Variants in ASXL2 observed in about 807,000 individuals in gnomAD.
ASXL2 encodes the protein ASXL transcriptional regulator 2.
Under a neutral mutation model 122.0 loss-of-function variants are expected in ASXL2, and 23 were observed. That is an observed-to-expected ratio of 0.19 (90% confidence interval 0.14 to 0.27). The LOEUF (loss-of-function observed/expected upper bound fraction) is 0.27. Ranked by LOEUF, ASXL2 falls within the 10% of genes least tolerant of loss-of-function variation. The probability of loss-of-function intolerance (pLI) is 1.00; values close to 1 mark genes in which losing one functional copy is unlikely to be tolerated. For synonymous variants in ASXL2, 650 were observed against 637.0 expected, an observed-to-expected ratio of 1.02 and a Z score of -0.31; for missense variants, 1,518 against 1,713.8, an observed-to-expected ratio of 0.89 and a Z score of 2.02.
intron 8 of ASXL2, among the ~76,000 whole-genome samples, chr2:25,763,248 T>C (rs2088284781): frequency 2.0e-5 from 3 of 152,006 alleles, no homozygotes; most frequent in African/African-American, 7.2e-5. Context: ...CTCAGCACTT[T>C]AGGAGGCTGA....
At chr2:25,837,035 TAC>T (rs2089519212) in intron 2 of ASXL2, among the ~76,000 whole-genome samples, 1 of 124,708 alleles carries the variant, frequency 8.0e-6, no homozygotes, top group African/African-American at 3.1e-5. Flanking sequence ...GTCAAGATAT[TAC>T]AGTTAATAAG....
intron 8 of ASXL2, among the ~76,000 whole-genome samples, chr2:25,761,864 T>G (rs1266699000): frequency 1.3e-5 from 2 of 152,102 alleles, no homozygotes; most frequent in Non-Finnish European, 2.9e-5. Context: ...AGGCGTTCAC[T>G]ACTCAGAAAC....
At chr2:25,782,095 C>T (rs2088652617) in intron 5 of ASXL2, among the ~76,000 whole-genome samples, 1 of 151,108 alleles carries the variant, frequency 6.6e-6, no homozygotes, top group Non-Finnish European at 1.5e-5. Flanking sequence ...CATGGGCCAA[C>T]AGTTCTTTTT....
At chr2:25,852,261 G>A (rs941493137) in intron 1 of ASXL2, among the ~76,000 whole-genome samples, 8 of 152,100 alleles carry the variant, frequency 5.3e-5, no homozygotes, top group Non-Finnish European at 1.2e-4. Flanking sequence ...TTTTTAAAGG[G>A]TGCTTAATAT....
chr2:25,877,619 C>G (rs1574460070), intron 1 of ASXL2, among the ~76,000 whole-genome samples: 3 of 152,180 alleles, frequency 2.0e-5, no homozygotes, highest in Non-Finnish European at 4.4e-5. Context: ...ACTTTCGGCT[C>G]CAACACCAAA....
chr2:25,858,580 G>A (rs77244950), intron 1 of ASXL2, among the ~76,000 whole-genome samples: 246 of 151,514 alleles, frequency 1.6e-3, no homozygotes, highest in African/African-American at 5.7e-3. Flanking sequence ...AAAATTAGCC[G>A]GGCGTGGTAG....
chr2:25,837,405 T>G (rs12990402), intron 2 of ASXL2, among the ~76,000 whole-genome samples: 1 of 152,248 alleles, frequency 6.6e-6, no homozygotes, highest in African/African-American at 2.4e-5. Context: ...CTCAAGTTCT[T>G]ATCTGTTAGA....
chr2:25,819,449 T>C (rs1035049628), intron 3 of ASXL2, among the ~76,000 whole-genome samples: 7 of 152,130 alleles, frequency 4.6e-5, no homozygotes, highest in African/African-American at 1.4e-4. Flanking sequence ...ACAGTAGACA[T>C]TGCATAAACC....
Position 25,739,747 on chromosome 2 carries a change from T to A in ASXL2, c.*2282A>T, listed in dbSNP as rs188766571. On this transcript the variant is annotated 3_prime_UTR_variant, in exon 13 of 13. Coordinates refer to ENST00000435504, the MANE Select transcript of ASXL2 (RefSeq NM_018263.6). ...AGTTATAGTCTGTTCATCCCTAAGT[T>A]AAGGGTAGCACAGAGGAAAACCTTT... is the stretch of plus-strand genomic sequence containing the variant. 1.4e-5 allele frequency: 3 copies of A among 216,078 alleles called. No homozygotes were observed. In the East Asian group the frequency reaches 2.1e-4, roughly 15 times the overall value. 13.4% of individuals were successfully genotyped at this position (216,078 alleles called of 1,614,324 possible).
chr2:25,816,206 C>T (rs1006565236), intron 3 of ASXL2, among the ~76,000 whole-genome samples: 1 of 150,864 alleles, frequency 6.6e-6, no homozygotes, highest in Non-Finnish European at 1.5e-5. Flanking sequence ...CCACTGCACT[C>T]CAGCCTGTGC....
At chr2:25,761,356 C>T (rs576025857) in intron 8 of ASXL2, among the ~76,000 whole-genome samples, 33 of 152,050 alleles carry the variant, frequency 2.2e-4, no homozygotes, top group Admixed American at 9.8e-4. Context: ...AAAGCATCCA[C>T]GAGGAAGGGA....
chr2:25,803,406 G>A (rs541063571), intron 4 of ASXL2, among the ~76,000 whole-genome samples: 6 of 152,324 alleles, frequency 3.9e-5, no homozygotes, highest in Non-Finnish European at 8.8e-5. Context: ...ATTATAACCA[G>A]ACAGTCAGAA....
In ASXL2 at chr2:25,740,939, AG is replaced by A. The variant is rs1398527392; in HGVS notation, c.*1089del. 1.0e-5 allele frequency: 2 copies of A among 192,456 alleles called. No homozygotes were observed. The highest frequency in any genetic ancestry group is 4.6e-5 in the African/African-American group (2 of 43,126). The allele number at this position is 192,456 out of a possible 1,614,324, so 11.9% of individuals were successfully genotyped here. The stretch of plus-strand genomic sequence containing the variant: ...AGAATGAACAAATGTGGCATTGGTG[AG>A]CTTTTCTACCTGCAACAGCAGCTGA... On this transcript the variant is annotated 3_prime_UTR_variant, in exon 13 of 13. Coordinates refer to ENST00000435504, the MANE Select transcript of ASXL2 (RefSeq NM_018263.6).
rs2149132260 is a variant in ASXL2, at chr2:25,735,677, C to T, written c.*6352G>A. 1 of 152,306 alleles carries T rather than the reference C, an allele frequency of 6.6e-6. No individual in the cohort carries two copies. Among genetic ancestry groups the T allele is most frequent in the Middle Eastern group, 3.4e-3 (1 of 294 alleles). 9.4% of individuals were successfully genotyped at this position (152,306 alleles called of 1,614,324 possible). On this transcript the variant is annotated 3_prime_UTR_variant, in exon 13 of 13. Transcript: ENST00000435504. ...GTTTAACAAAACACTAACTTACTGA[C>T]CTAAATTAACTACTGACAGAGATTG... is the stretch of plus-strand genomic sequence containing the variant.
At position 25,771,481 on chromosome 2, in the gene ASXL2, T is replaced by A; in HGVS notation, c.463A>T (p.Ile155Phe). The A allele has an allele frequency of 6.2e-7, 1 of 1,613,646 alleles. No individual in the cohort carries two copies. Among genetic ancestry groups the A allele is most frequent in the Non-Finnish European group, 8.5e-7 (1 of 1,179,772 alleles). Reference sequence around the variant, plus strand: ...TTGCTGTGCTTCTGTGATGGAGAAATGACTTTACCTGCTGGAATGGTGGGT... The same window carrying A: ...TTGCTGTGCTTCTGTGATGGAGAAAAGACTTTACCTGCTGGAATGGTGGGT... ...PSPTIPAGKV[I>F]SPSQKHSKKA... is the part of the protein sequence containing the mutation. Residue 155 changes from isoleucine to phenylalanine, a missense_variant, in exon 6 of 13, where the codon ATT becomes TTT. Around this residue, in one of 8 missense-constraint regions of ASXL2, gnomAD observed 198 missense variants for 209.0 expected, o/e 0.95. Coordinates refer to ENST00000435504, the MANE Select transcript of ASXL2 (RefSeq NM_018263.6).
intron 5 of ASXL2, among the ~76,000 whole-genome samples, chr2:25,773,781 A>G (rs2088501654): frequency 6.6e-6 from 1 of 151,972 alleles, no homozygotes; most frequent in South Asian, 2.1e-4. Flanking sequence ...TCACACCTAT[A>G]ATCCCAAAGG....
chr2:25,801,647 C>T (rs1172188296), intron 4 of ASXL2, among the ~76,000 whole-genome samples: 1 of 152,044 alleles, frequency 6.6e-6, no homozygotes, highest in Admixed American at 6.6e-5. Flanking sequence ...ATATGTGATC[C>T]GTACAGGATC....
chr2:25,765,956 T>A (rs1383339295), intron 8 of ASXL2, among the ~76,000 whole-genome samples: 1 of 152,236 alleles, frequency 6.6e-6, no homozygotes, highest in Non-Finnish European at 1.5e-5. Context: ...AAGAAAAATG[T>A]ACAATCCCCT....
At position 25,833,225 on chromosome 2, in the gene ASXL2, T is replaced by C. The variant is rs115532367; in HGVS notation, c.143+2313A>G. Among the ~76,000 whole-genome samples, 1,452 of 152,338 alleles carry C rather than the reference T, an allele frequency of 9.5e-3. 27 individuals are homozygous for C. Among genetic ancestry groups the C allele is most frequent in the African/African-American group, 0.034 (1,397 of 41,562 alleles). ...TATATCAGAAACAATATTCTCGCTGTGACACTGCACTATGGTTTTGTACAA... is the reference window on the plus strand; with the variant it reads ...TATATCAGAAACAATATTCTCGCTGCGACACTGCACTATGGTTTTGTACAA... On this transcript the variant is annotated intron_variant, in intron 3 of 12. Transcript: ENST00000435504.
Sources: allele counts gnomAD v4.1 joint callset (sites outside exome capture counted in the v4.1 genomes callset), GRCh38; gene constraint gnomAD v4.1.1; regional missense constraint gnomAD v4.1.1; transcripts MANE v1.5; gene names NCBI Gene and HGNC (gene_info 2026-07-23, HGNC 2026-07-21).